ST6GALNAC5: variants seen among roughly 807,000 people sequenced by gnomAD.
ST6GALNAC5 encodes ST6 N-acetylgalactosaminide alpha-2,6-sialyltransferase 5.
Under a neutral mutation model 33.6 loss-of-function variants are expected in ST6GALNAC5, and 27 were observed. That is an observed-to-expected ratio of 0.80 (90% confidence interval 0.59 to 1.11). The LOEUF is 1.11. Ranked by LOEUF, ST6GALNAC5 falls within the 50% of genes least tolerant of loss-of-function variation. The pLI, the probability that ST6GALNAC5 is intolerant of heterozygous loss-of-function variation, is 0.00. For synonymous variants in ST6GALNAC5, 194 were observed against 171.2 expected, an observed-to-expected ratio of 1.13 and a Z score of -1.04; for missense variants, 428 against 454.0, an observed-to-expected ratio of 0.94 and a Z score of 0.52.
intron 2 of ST6GALNAC5, among the ~76,000 whole-genome samples, chr1:76,945,576 T>C (rs527670402): frequency 2.6e-5 from 4 of 152,292 alleles, no homozygotes; most frequent in African/African-American, 7.2e-5. Flanking sequence ...TGATTACTAA[T>C]ATTTGTCATC....
chr1:76,991,265 A>G (rs918400385), intron 2 of ST6GALNAC5, among the ~76,000 whole-genome samples: 35 of 152,212 alleles, frequency 2.3e-4, no homozygotes, highest in African/African-American at 7.7e-4. Context: ...TGTACCAAAC[A>G]TTGCAAATGT....
intron 2 of ST6GALNAC5, among the ~76,000 whole-genome samples, chr1:76,913,777 T>A (rs1646938887): frequency 6.6e-6 from 1 of 152,144 alleles, no homozygotes; most frequent in Non-Finnish European, 1.5e-5. Flanking sequence ...CTTTGAAAAC[T>A]GGCACAAGAC....
At chr1:76,960,141 C>A (rs1373750274) in intron 2 of ST6GALNAC5, among the ~76,000 whole-genome samples, 2 of 152,074 alleles carry the variant, frequency 1.3e-5, no homozygotes, top group Non-Finnish European at 2.9e-5. Flanking sequence ...GAAATTCACC[C>A]CCGATATTTC....
intron 2 of ST6GALNAC5, among the ~76,000 whole-genome samples, chr1:77,001,430 G>A (rs12124717): frequency 0.15 from 18,097 of 117,426 alleles, 1,251 homozygotes; most frequent in Middle Eastern, 0.25. Flanking sequence ...CAATCATGTC[G>A]TCTGCAAACA....
chr1:76,887,924 T>G (rs1653932497), intron 2 of ST6GALNAC5, among the ~76,000 whole-genome samples: 1 of 152,172 alleles, frequency 6.6e-6, no homozygotes, highest in South Asian at 2.1e-4. Flanking sequence ...CTTCTCATTC[T>G]ATTTCCCCTC....
chr1:77,043,714 A>T (rs981026885), intron 2 of ST6GALNAC5, among the ~76,000 whole-genome samples: 10 of 152,190 alleles, frequency 6.6e-5, no homozygotes, highest in African/African-American at 2.4e-4. Flanking sequence ...GTGAGTTAAG[A>T]GCATCACAAC....
chr1:76,921,664 T>C (rs1647035739), intron 2 of ST6GALNAC5, among the ~76,000 whole-genome samples: 1 of 152,180 alleles, frequency 6.6e-6, no homozygotes, highest in African/African-American at 2.4e-5. Context: ...TAACCATTAA[T>C]GAAATTGAAT....
chr1:77,061,883 G>A (rs576458750), intron 4 of ST6GALNAC5, among the ~76,000 whole-genome samples: 2 of 152,120 alleles, frequency 1.3e-5, no homozygotes, highest in African/African-American at 2.4e-5. Context: ...AAAAACACTC[G>A]GAGACTCTCA....
chr1:76,891,028 A>C (rs192124933), intron 2 of ST6GALNAC5, among the ~76,000 whole-genome samples: 1 of 152,330 alleles, frequency 6.6e-6, no homozygotes. Context: ...TATTTTTAAC[A>C]ATAAAACTTC....
At chr1:76,949,349 G>A (rs1048834210) in intron 2 of ST6GALNAC5, among the ~76,000 whole-genome samples, 4 of 152,164 alleles carry the variant, frequency 2.6e-5, no homozygotes, top group Non-Finnish European at 4.4e-5. Flanking sequence ...GTTTGGGCCT[G>A]TTTGGGGCTC....
At chr1:76,985,362 A>T (rs1649448961) in intron 2 of ST6GALNAC5, among the ~76,000 whole-genome samples, 1 of 152,194 alleles carries the variant, frequency 6.6e-6, no homozygotes, top group Non-Finnish European at 1.5e-5. Flanking sequence ...ATTCCTATAC[A>T]CTAACAGACA....
At chr1:76,876,859 C>T (rs879258682) in intron 2 of ST6GALNAC5, among the ~76,000 whole-genome samples, 3 of 152,162 alleles carry the variant, frequency 2.0e-5, no homozygotes, top group Non-Finnish European at 4.4e-5. Context: ...GTCAACTGAT[C>T]ATAGGGAACT....
chr1:76,986,407 G>GA, intron 2 of ST6GALNAC5, among the ~76,000 whole-genome samples: 1 of 152,280 alleles, frequency 6.6e-6, no homozygotes, highest in Middle Eastern at 3.4e-3. Flanking sequence ...ACAGACACAT[G>GA]AAAAAATGCT....
intron 2 of ST6GALNAC5, among the ~76,000 whole-genome samples, chr1:77,043,391 G>A (rs571957720): frequency 3.9e-5 from 6 of 152,260 alleles, no homozygotes; most frequent in Non-Finnish European, 7.3e-5. Flanking sequence ...TGAACACCAT[G>A]TCCTGGCCAG....
intron 2 of ST6GALNAC5, among the ~76,000 whole-genome samples, chr1:76,981,254 G>C (rs976764971): frequency 3.9e-5 from 6 of 152,202 alleles, no homozygotes; most frequent in Non-Finnish European, 7.3e-5. Context: ...AGCCGTGACA[G>C]ACTACCTGGA....
At chr1:76,942,979 A>G (rs988653192) in intron 2 of ST6GALNAC5, among the ~76,000 whole-genome samples, 1 of 152,114 alleles carries the variant, frequency 6.6e-6, no homozygotes, top group Non-Finnish European at 1.5e-5. Flanking sequence ...AAACAACTCT[A>G]TGTCCTCCCT....
chr1:77,034,232 G>T (rs992831899), intron 2 of ST6GALNAC5, among the ~76,000 whole-genome samples: 3 of 151,966 alleles, frequency 2.0e-5, no homozygotes, highest in African/African-American at 7.3e-5. Flanking sequence ...GCTTCTGGTG[G>T]TTGCCAGCGA....
intron 2 of ST6GALNAC5, among the ~76,000 whole-genome samples, chr1:77,032,848 A>AG (rs1651509150): frequency 6.6e-6 from 1 of 152,158 alleles, no homozygotes; most frequent in Non-Finnish European, 1.5e-5. Flanking sequence ...ATTCTTTTGC[A>AG]TTTGACCATT....
chr1:76,880,024 T>C (rs910788085), intron 2 of ST6GALNAC5, among the ~76,000 whole-genome samples: 3 of 152,346 alleles, frequency 2.0e-5, no homozygotes, highest in Admixed American at 6.5e-5. Flanking sequence ...GGCAGTCTTA[T>C]CAGATTTAAG....
Sources: gnomAD v4.1 joint callset for allele counts (sites outside exome capture counted in the v4.1 genomes callset) on GRCh38, gnomAD v4.1.1 for gene constraint, MANE v1.5 for transcripts, NCBI Gene and HGNC (gene_info 2026-07-23, HGNC 2026-07-21) for gene names.